The following PILRA variants were observed in gnomAD, a reference collection of about 807,000 sequenced individuals.
PILRA encodes the protein paired immunoglobulin-like type 2 receptor alpha.
PILRA carries 37 observed loss-of-function variants against 33.1 expected under a neutral mutation model. That is an observed-to-expected ratio of 1.12 (90% CI 0.86 to 1.47). The LOEUF is 1.47. Ranked by LOEUF, PILRA falls within the 40% of genes most tolerant of loss-of-function variation. PILRA has a pLI of 0.00. For missense variants in PILRA, 312 were observed against 376.2 expected (o/e 0.83, Z 1.41); for synonymous variants, 146 against 149.9 (o/e 0.97, Z 0.19).
At chr7:100,399,536 C>T in intron 5 of PILRA, 45 bp from the exon 6 acceptor site, 1 of 1,610,918 alleles carries the variant, frequency 6.2e-7, no homozygotes, top group South Asian at 1.1e-5. Context: ...TCTCCCCTGG[C>T]TGTCACGCCA....
At chr7:100,387,735 A>G in intron 2 of PILRA, among the ~76,000 whole-genome samples, 1 of 152,154 alleles carries the variant, frequency 6.6e-6, no homozygotes, top group Non-Finnish European at 1.5e-5. Flanking sequence ...CAGATATTTT[A>G]ACATTTAACA....
chr7:100,396,774 G>A (rs959049817), intron 3 of PILRA, among the ~76,000 whole-genome samples: 1 of 152,176 alleles, frequency 6.6e-6, no homozygotes, highest in Non-Finnish European at 1.5e-5. Context: ...CCACTTTTCG[G>A]TGGTGCCTAG....
intron 2 of PILRA, among the ~76,000 whole-genome samples, chr7:100,386,876 TAGG>T (rs1791266276): frequency 6.6e-6 from 1 of 152,064 alleles, no homozygotes; most frequent in East Asian, 1.9e-4. Flanking sequence ...ATATTAGCAT[TAGG>T]ATTATGGAAT....
chr7:100,397,126 TAAAAA>T (rs34593183), intron 3 of PILRA, among the ~76,000 whole-genome samples: 1 of 125,812 alleles, frequency 7.9e-6, no homozygotes, highest in African/African-American at 3.0e-5. Flanking sequence ...GTCTAAACAT[TAAAAA>T]AAAAAAAAAA....
intron 1 of PILRA, 64 bp downstream of exon 1, chr7:100,373,784 CA>C: frequency 6.3e-7 from 1 of 1,594,290 alleles, no homozygotes; most frequent in Non-Finnish European, 8.6e-7. Context: ...CAACCCGAGA[CA>C]AAGGTGGGAC....
upstream of PILRA, among the ~76,000 whole-genome samples, chr7:100,373,019 T>C (rs1790855756): frequency 6.6e-6 from 1 of 151,180 alleles, no homozygotes; most frequent in African/African-American, 2.4e-5. Context: ...AGAGAGGGCC[T>C]GGGGCAGGAA....
chr7:100,375,382 A>C (rs893287886), intron 2 of PILRA, among the ~76,000 whole-genome samples: 2 of 152,244 alleles, frequency 1.3e-5, no homozygotes, highest in Non-Finnish European at 2.9e-5. Flanking sequence ...ATTGAGGCTA[A>C]CAGAGCCTAT....
At chr7:100,395,707 T>TA (rs1173021063) in intron 3 of PILRA, among the ~76,000 whole-genome samples, 5 of 152,076 alleles carry the variant, frequency 3.3e-5, no homozygotes, top group Non-Finnish European at 5.9e-5. Flanking sequence ...AGCTACTATT[T>TA]AAAAAGTGTG....
chr7:100,399,766 T>C lies in PILRA; in HGVS notation c.790-19T>C, dbSNP rs1465858234. On this transcript the variant is annotated intron_variant, in intron 6 of 6. Coordinates refer to ENST00000198536, the MANE Select transcript of PILRA (RefSeq NM_013439.3). ...TCCGTCTCCACTGTCTAACCCTTTCTCTCTGGGTTCTCGCCCAGGATGACG... is the reference window on the plus strand; with the variant it reads ...TCCGTCTCCACTGTCTAACCCTTTCCCTCTGGGTTCTCGCCCAGGATGACG... The C allele has an allele frequency of 6.2e-7, 1 of 1,609,830 alleles. No individual in the cohort carries two copies.
At chr7:100,387,947 C>G (rs185513448) in intron 2 of PILRA, among the ~76,000 whole-genome samples, 1 of 152,108 alleles carries the variant, frequency 6.6e-6, no homozygotes, top group African/African-American at 2.4e-5. Flanking sequence ...ACAGCTGGCT[C>G]CTCCTGTTTG....
intron 2 of PILRA, among the ~76,000 whole-genome samples, chr7:100,381,190 C>T (rs528047206): frequency 1.3e-5 from 2 of 152,060 alleles, no homozygotes; most frequent in Admixed American, 6.5e-5. Flanking sequence ...GGCGCGAACC[C>T]GGGAGGCAGA....
intron 2 of PILRA, among the ~76,000 whole-genome samples, chr7:100,384,717 G>A (rs995912666): frequency 6.6e-6 from 1 of 152,190 alleles, no homozygotes; most frequent in Non-Finnish European, 1.5e-5. Context: ...GAGCCCAGGA[G>A]TTGGAGGCTG....
chr7:100,377,351 C>T (rs1267070618), intron 2 of PILRA, among the ~76,000 whole-genome samples: 3 of 149,954 alleles, frequency 2.0e-5, no homozygotes, highest in Non-Finnish European at 3.0e-5. Context: ...TGCCGTTCTC[C>T]TGCCTCAGCC....
At chr7:100,389,851 C>CCAGGG (rs770888348) in intron 2 of PILRA, 37 bp from the exon 3 acceptor site, 1 of 1,573,972 alleles carries the variant, frequency 6.4e-7, no homozygotes, top group Non-Finnish European at 8.7e-7. Flanking sequence ...CCCTGTGCCC[C>CCAGGG]CAGGGGAGGG....
At chr7:100,386,718 G>A (rs1015576659) in intron 2 of PILRA, among the ~76,000 whole-genome samples, 1 of 151,310 alleles carries the variant, frequency 6.6e-6, no homozygotes, top group Non-Finnish European at 1.5e-5. Context: ...GGGGGAGCGG[G>A]GGTCTCACTG....
chr7:100,379,898 C>A (rs557660838), intron 2 of PILRA, among the ~76,000 whole-genome samples: 5 of 152,234 alleles, frequency 3.3e-5, no homozygotes, highest in African/African-American at 1.2e-4. Context: ...ATGAGCTAAA[C>A]CCTAAGCCAG....
chr7:100,373,674 G>T lies in PILRA; in HGVS notation c.18G>T (p.Leu6=), dbSNP rs1409106341. 1 of 1,613,336 alleles carries T rather than the reference G, an allele frequency of 6.2e-7. No homozygotes were observed. Among genetic ancestry groups the T allele is most frequent in the East Asian group, 2.2e-5 (1 of 44,880 alleles). The change falls in exon 1 of 7, where the codon CTG becomes CTT. Residue 6 remains leucine, a synonymous_variant. Coordinates refer to ENST00000198536, the MANE Select transcript of PILRA (RefSeq NM_013439.3). The part of the protein sequence containing the change: MGRPL[L]LPLLPLLLPP... ...ACAAGGCCATGGGTCGGCCCCTGCT[G>T]CTGCCCCTACTGCCCTTGCTGCTGC...
At chr7:100,399,217 A>G (rs757453131) in intron 4 of PILRA, 74 bp from the exon 5 acceptor site, 4 of 1,036,934 alleles carry the variant, frequency 3.9e-6, no homozygotes, top group East Asian at 4.9e-5. Context: ...CTGGGATTAC[A>G]GGTGCCACCA....
chr7:100,394,673 T>C (rs1791459196), intron 3 of PILRA, among the ~76,000 whole-genome samples: 2 of 150,022 alleles, frequency 1.3e-5, no homozygotes, highest in African/African-American at 4.9e-5. Context: ...ATACAGAGTC[T>C]AGAAATAAAC....
Sources: allele counts gnomAD v4.1 joint callset (sites outside exome capture counted in the v4.1 genomes callset), GRCh38; gene constraint gnomAD v4.1.1; transcripts MANE v1.5; gene names NCBI Gene and HGNC (gene_info 2026-07-23, HGNC 2026-07-21).